Variants in ZNF534 observed in about 807,000 individuals in gnomAD.
ZNF534 encodes the protein zinc finger protein 534, also known as KRAB domain only 3.
ZNF534 carries 19 observed loss-of-function variants against 13.6 expected under a neutral mutation model. The observed-to-expected ratio is 1.40, with a 90% confidence interval of 0.97 to 2.05. The LOEUF (loss-of-function observed/expected upper bound fraction) is 2.05, where lower values mean the gene tolerates loss of function less well. ZNF534 is among the 30% of genes most tolerant of loss of function. ZNF534 has a pLI of 0.00. For synonymous variants in ZNF534, 244 were observed against 273.8 expected (o/e 0.89, Z 1.07); for missense variants, 782 against 796.3 (o/e 0.98, Z 0.22).
rs1489396577 is a variant in ZNF534 at position 52,434,433 on chromosome 19, C to T, written c.142+352C>T. 4.2e-5 allele frequency among the ~76,000 whole-genome samples: 6 copies of T among 143,880 alleles called. No individual in the cohort carries two copies. The East Asian group carries it at 1.2e-3, about 29-fold the overall frequency. The allele number at this position is 143,880 out of a possible 152,430, so 94.4% of individuals were successfully genotyped here. On this transcript the variant is annotated intron_variant, in intron 3 of 4. Transcript: ENST00000433050. ...TGAGCCAAGATCGCACCACTGCACT[C>T]CAGCCTGGGTGACAGATCAAGACTC...
chr19:52,451,163 CTG>C (rs2059213149), intron 4 of ZNF534: 1 of 645,178 alleles, frequency 1.5e-6, no homozygotes, highest in African/African-American at 1.9e-5. Flanking sequence ...TCTTTCATCA[CTG>C]TTTATAATTT....
In ZNF534 at chr19:52,438,412, G is replaced by A. The variant is rs866552251; in HGVS notation, c.952G>A (p.Val318Ile). The A allele has an allele frequency of 1.9e-6, 3 of 1,613,570 alleles. No homozygotes were observed. Among genetic ancestry groups the A allele is most frequent in the Non-Finnish European group, 2.5e-6 (3 of 1,179,828 alleles). ...GTGTTCCAGTCTTACTGCTCATCTT[G>A]TAATCCATACTGGAGAGAAACCTTA... ...SVCSSLTAHL[V>I]IHTGEKPYDC... is the part of the protein sequence containing the mutation. The change falls in exon 5 of 5, where the codon GTA (valine) becomes ATA (isoleucine). Residue 318 changes from valine (V) to isoleucine (I), a missense_variant. Physicochemically the swap from Val to Ile is conservative, Grantham distance 29. This residue lies in a region of ZNF534 where 591 missense variants were observed against 574.0 expected (regional missense o/e 1.03). Coordinates refer to ENST00000433050, the MANE Select transcript of ZNF534 (RefSeq NM_001143938.3).
chr19:52,447,813 G>A (rs2059199655), intron 4 of ZNF534, among the ~76,000 whole-genome samples: 2 of 150,920 alleles, frequency 1.3e-5, no homozygotes, highest in South Asian at 4.2e-4. Context: ...TTTATATATT[G>A]TTGATTTCTA....
chr19:52,430,013 A>AT (rs907077203), intron 1 of ZNF534, among the ~76,000 whole-genome samples: 24 of 145,720 alleles, frequency 1.6e-4, no homozygotes, highest in Middle Eastern at 3.5e-3. Context: ...GATGCTGACA[A>AT]TTTTTTTTTT....
exon 5 of ZNF534, chr19:52,451,714 G>T (rs1456994059): frequency 1.5e-6 from 1 of 679,736 alleles, no homozygotes; most frequent in Non-Finnish European, 2.7e-6. Context: ...TGGCTTGGCT[G>T]CAAAACACTT....
At chr19:52,443,665 G>C (rs918882912), downstream of ZNF534, among the ~76,000 whole-genome samples, 2 of 152,024 alleles carry the variant, frequency 1.3e-5, no homozygotes, top group Non-Finnish European at 2.9e-5. Context: ...CAGAAGAATT[G>C]CTTGAACCTG....
exon 5 of ZNF534, chr19:52,451,450 G>T: frequency 1.6e-6 from 1 of 615,582 alleles, no homozygotes. Context: ...GCACGCCCCG[G>T]ACGCTGTCCA....
At position 52,439,104 on chromosome 19, in the gene ZNF534, G is replaced by C. The variant is rs1296401498; in HGVS notation, c.1644G>C (p.Lys548Asn). 1.3e-6 allele frequency: 2 copies of C among 1,595,212 alleles called. No individual in the cohort carries two copies. The highest frequency in any genetic ancestry group is 1.1e-5 in the South Asian group (1 of 89,364). Residue 548 changes from lysine (K) to asparagine (N), a missense_variant, in exon 5 of 5, where the codon AAG becomes AAC. Coordinates refer to ENST00000433050, the MANE Select transcript of ZNF534 (RefSeq NM_001143938.3). ...ATAGGAATGTTCATACTGGAGAAAA[G>C]CCTTACAGTTGTAATGAATGTGGCA... ...VRHRNVHTGE[K>N]PYSCNECGKV... is the part of the protein sequence containing the mutation.
At position 52,438,302 on chromosome 19, in the gene ZNF534, A is replaced by T. The variant is rs1007456726; in HGVS notation, c.842A>T (p.His281Leu). ...AAAGAATGTGGGAAAGTCTTTAGTC[A>T]CCATGCCTACCTTGCACAGCATAGG... ...NNKECGKVFS[H>L]HAYLAQHRKI... The change falls in exon 5 of 5, where the codon CAC (histidine) becomes CTC (leucine). Residue 281 changes from histidine to leucine, a missense_variant. By Grantham distance (99) the His-to-Leu change is moderately conservative. Coordinates refer to ENST00000433050, the MANE Select transcript of ZNF534 (RefSeq NM_001143938.3). The T allele has an allele frequency of 2.5e-6, 4 of 1,605,902 alleles. No individual in the cohort carries two copies. The African/African-American group carries it at 5.4e-5, about 21-fold the overall frequency.
At chr19:52,450,670 GTTTTTTT>G (rs796423133) in intron 4 of ZNF534, among the ~76,000 whole-genome samples, 1 of 37,766 alleles carries the variant, frequency 2.6e-5, no homozygotes, top group East Asian at 4.3e-4. Context: ...AATTTTAGGA[GTTTTTTT>G]TTTTTTTGTT....
At chr19:52,450,015 C>T (rs890624080) in intron 4 of ZNF534, among the ~76,000 whole-genome samples, 15 of 151,492 alleles carry the variant, frequency 9.9e-5, no homozygotes, top group South Asian at 2.1e-4. Context: ...AGTGAGACTC[C>T]GTCTAAAAAA....
intron 2 of ZNF534, among the ~76,000 whole-genome samples, chr19:52,432,063 A>G (rs1245749120): frequency 4.0e-5 from 6 of 151,746 alleles, no homozygotes; most frequent in Non-Finnish European, 8.8e-5. Flanking sequence ...CATTATATAT[A>G]TATATATTTT....
chr19:52,436,179 C>T (rs777930029), intron 4 of ZNF534, among the ~76,000 whole-genome samples: 4 of 151,998 alleles, frequency 2.6e-5, no homozygotes, highest in Non-Finnish European at 2.9e-5. Flanking sequence ...ACCTCATGAT[C>T]CACACACCTC....
rs1286868699 is a variant in ZNF534, at chr19:52,442,282, C to A, written c.*2836C>A. ...GGTTTACCAGAATGATGGCAAAGAA[C>A]ACCTGGCCCACCCAGGGCAGAAAAA... On this transcript the variant is annotated 3_prime_UTR_variant, in exon 5 of 5. Transcript: ENST00000433050. Among the ~76,000 whole-genome samples, 1 of 152,182 alleles carries A rather than the reference C, an allele frequency of 6.6e-6. No homozygotes were observed. Among genetic ancestry groups the A allele is most frequent in the Non-Finnish European group, 1.5e-5 (1 of 68,034 alleles).
chr19:52,451,087 A>C (rs1341912820), intron 4 of ZNF534: 1 of 455,436 alleles, frequency 2.2e-6, no homozygotes, highest in Non-Finnish European at 3.7e-6. Context: ...GATCATATAC[A>C]CAATATTAAT....
Position 52,438,377 on chromosome 19 carries a change from C to T in ZNF534, c.917C>T (p.Ala306Val). The change falls in exon 5 of 5, where the codon GCA (alanine) becomes GTA (valine). Residue 306 changes from alanine to valine, a missense_variant. Transcript: ENST00000433050. The part of the protein sequence containing the change: ...KPYKCSECGK[A>V]FSVCSSLTAH... ...TACAAATGTAGTGAATGTGGCAAAG[C>T]ATTTAGTGTGTGTTCCAGTCTTACT... 1 of 1,613,146 alleles carries T rather than the reference C, an allele frequency of 6.2e-7. No homozygotes were observed. The highest frequency in any genetic ancestry group is 1.3e-5 in the African/African-American group (1 of 74,884).
chr19:52,431,335 T>G (rs2059085770), intron 1 of ZNF534, 73 bp from the exon 2 acceptor site: 1 of 1,148,648 alleles, frequency 8.7e-7, no homozygotes, highest in African/African-American at 1.6e-5. Flanking sequence ...AAGTCTTCCC[T>G]TTTTGTGTGG....
chr19:52,446,290 C>T (rs1362677847), downstream of ZNF534, among the ~76,000 whole-genome samples: 1 of 152,192 alleles, frequency 6.6e-6, no homozygotes, highest in Admixed American at 6.5e-5. Context: ...CCTCTTCTCA[C>T]TGGATGATAT....
At chr19:52,452,140 CTT>C (rs1273240885) in exon 5 of ZNF534, 2 of 162,042 alleles carry the variant, frequency 1.2e-5, no homozygotes, top group Non-Finnish European at 2.7e-5. Flanking sequence ...CACAAAGAAA[CTT>C]TGTTTTTCTG....
Sources: allele counts gnomAD v4.1 joint callset (sites outside exome capture counted in the v4.1 genomes callset), GRCh38; gene constraint gnomAD v4.1.1; regional missense constraint gnomAD v4.1.1; transcripts MANE v1.5; gene names NCBI Gene and HGNC (gene_info 2026-07-23, HGNC 2026-07-21).